Variants in TARS1 observed in about 807,000 individuals in gnomAD.
The protein encoded by TARS1 is threonyl-tRNA synthetase 1, also known as threonine--tRNA ligase 1, cytoplasmic.
Under a neutral mutation model 97.7 loss-of-function variants are expected in TARS1, and 57 were observed. That is an observed-to-expected ratio of 0.58 (90% CI 0.47 to 0.73). The LOEUF (loss-of-function observed/expected upper bound fraction) is 0.73. TARS1 is among the 30% of genes least tolerant of loss of function. The pLI is 0.00. For synonymous variants in TARS1, 312 were observed against 293.7 expected, an observed-to-expected ratio of 1.06 and a Z score of -0.64; for missense variants, 806 against 888.3, an observed-to-expected ratio of 0.91 and a Z score of 1.18.
At chr5:33,447,162 A>G (rs76116449) in intron 2 of TARS1, among the ~76,000 whole-genome samples, 5,367 of 152,220 alleles carry the variant, frequency 0.035, 351 homozygotes, top group African/African-American at 0.12. Flanking sequence ...AAAGAATGGA[A>G]AGAAGGAGGG....
chr5:33,460,561 T>A (rs1036352267), intron 11 of TARS1, among the ~76,000 whole-genome samples: 1 of 152,208 alleles, frequency 6.6e-6, no homozygotes, highest in African/African-American at 2.4e-5. Context: ...CAGCTCCTAC[T>A]AGCCAGGCCT....
At chr5:33,458,709 A>ATC in intron 10 of TARS1, 45 bp downstream of exon 10, 1 of 1,444,682 alleles carries the variant, frequency 6.9e-7, no homozygotes, top group South Asian at 1.2e-5. Context: ...AGGATATGTG[A>ATC]TCATTTTATT....
intron 10 of TARS1, 70 bp from the exon 11 acceptor site, chr5:33,459,625 T>TAA: frequency 6.4e-7 from 1 of 1,561,174 alleles, no homozygotes; most frequent in Non-Finnish European, 8.8e-7. Context: ...AATCACTCTT[T>TAA]AAGTTTTTAC....
intron 3 of TARS1, 89 bp from the exon 4 acceptor site, chr5:33,453,200 A>G (rs1741831783): frequency 7.5e-7 from 1 of 1,326,728 alleles, no homozygotes; most frequent in Non-Finnish European, 9.8e-7. Context: ...ACAATATATA[A>G]TAAAAATAGT....
At chr5:33,445,801 A>G (rs1279842497) in intron 2 of TARS1, among the ~76,000 whole-genome samples, 1 of 152,216 alleles carries the variant, frequency 6.6e-6, no homozygotes, top group East Asian at 1.9e-4. Context: ...AAAACCAAAG[A>G]AAGCCAGTTT....
At chr5:33,442,985 G>A (rs1273239242) in intron 1 of TARS1, among the ~76,000 whole-genome samples, 1 of 152,070 alleles carries the variant, frequency 6.6e-6, no homozygotes, top group Non-Finnish European at 1.5e-5. Context: ...AGTGAGTCAG[G>A]GACAGATCAT....
chr5:33,455,047 G>C lies in TARS1; in HGVS notation c.556G>C (p.Asp186His), dbSNP rs1741942634. 1 of 1,613,564 alleles carries C rather than the reference G, an allele frequency of 6.2e-7. No homozygotes were observed. Among genetic ancestry groups the C allele is most frequent in the African/African-American group, 1.3e-5 (1 of 74,822 alleles). The change falls in exon 5 of 19, where the codon GAC becomes CAC. Residue 186 changes from aspartate (D) to histidine (H), a missense_variant. By Grantham distance (81) the Asp-to-His change is moderately conservative. Transcript: ENST00000265112. ...GPPIENGFYY[D>H]MYLEEGGVSS... is the part of the protein sequence containing the mutation. ...GCCAATAGAAAATGGATTCTATTATGACATGTACCTCGAAGAAGGGTAAGC... is the reference window on the plus strand; with the variant it reads ...GCCAATAGAAAATGGATTCTATTATCACATGTACCTCGAAGAAGGGTAAGC...
At chr5:33,461,403 A>G (rs1254524459) in intron 13 of TARS1, 108 bp downstream of exon 13, 1 of 1,442,006 alleles carries the variant, frequency 6.9e-7, no homozygotes, top group African/African-American at 1.4e-5. Context: ...ATGAAATTGG[A>G]AATGGTTCCT....
intron 4 of TARS1, among the ~76,000 whole-genome samples, chr5:33,454,096 A>T (rs922473873): frequency 1.3e-5 from 2 of 152,176 alleles, no homozygotes; most frequent in African/African-American, 2.4e-5. Context: ...CACTGCCTTT[A>T]TTGGATAATT....
chr5:33,456,256 A>C lies in TARS1; in HGVS notation c.837+29A>C, dbSNP rs142854011. ...AGTAATGTAACTTTAAAGACTGTGAATGTATCTGTCTAGAATAGATATATG... is the reference window on the plus strand; with the variant it reads ...AGTAATGTAACTTTAAAGACTGTGACTGTATCTGTCTAGAATAGATATATG... On this transcript the variant is annotated intron_variant, in intron 8 of 18. Coordinates refer to ENST00000265112, the MANE Select transcript of TARS1 (RefSeq NM_152295.5). 1.4e-4 allele frequency: 217 copies of C among 1,514,470 alleles called. No homozygotes were observed. In the African/African-American group the frequency reaches 2.5e-3, roughly 17 times the overall value. 93.8% of individuals were successfully genotyped at this position (1,514,470 alleles called of 1,614,324 possible). A position where few individuals can be genotyped will look rare whatever the true frequency, so the allele number is the denominator to read the frequency against.
chr5:33,466,151 G>A (rs1742519367), intron 17 of TARS1: 2 of 152,186 alleles, frequency 1.3e-5, no homozygotes, highest in South Asian at 4.1e-4. Flanking sequence ...GCAGAGATGA[G>A]GAAGGAACAC....
At chr5:33,441,337 C>T (rs1741085236) in intron 1 of TARS1, 194 bp downstream of exon 1, 2 of 612,674 alleles carry the variant, frequency 3.3e-6, no homozygotes, top group African/African-American at 3.7e-5. Context: ...TAGGGTGGGG[C>T]CTTGCAGTTC....
At chr5:33,450,367 G>C (rs1741671561) in intron 3 of TARS1, among the ~76,000 whole-genome samples, 1 of 152,144 alleles carries the variant, frequency 6.6e-6, no homozygotes, top group African/African-American at 2.4e-5. Context: ...GCTGATTCTT[G>C]GTAAGCGTAT....
chr5:33,451,584 A>C (rs1230989111), intron 3 of TARS1, among the ~76,000 whole-genome samples: 1 of 152,108 alleles, frequency 6.6e-6, no homozygotes, highest in Non-Finnish European at 1.5e-5. Context: ...TGTGTTAGCC[A>C]GGATGGTCTT....
rs138328650 is a variant in TARS1 at position 33,465,645 on chromosome 5, G to T, written c.1909-1226G>T. Among the ~76,000 whole-genome samples the T allele has an allele frequency of 4.7e-3, 722 of 152,302 alleles. 9 individuals are homozygous for T. Among genetic ancestry groups the T allele is most frequent in the African/African-American group, 0.017 (693 of 41,554 alleles). ...AAAATGTCAACAGGTTAATTGGTTC[G>T]TGATCACTGTGGCTTAAAAATCTAG... On this transcript the variant is annotated intron_variant, in intron 17 of 18. Transcript: ENST00000265112.
At chr5:33,444,446 A>G (rs1741308986) in intron 1 of TARS1, among the ~76,000 whole-genome samples, 1 of 152,260 alleles carries the variant, frequency 6.6e-6, no homozygotes, top group African/African-American at 2.4e-5. Context: ...TAAAGGTCAC[A>G]AACATGCAAA....
At chr5:33,443,320 C>CCTCTCTCTCTCTCTCTCTCTCTCTCTCT (rs769681224) in intron 1 of TARS1, among the ~76,000 whole-genome samples, 4 of 118,512 alleles carry the variant, frequency 3.4e-5, no homozygotes, top group South Asian at 5.4e-4. Flanking sequence ...TCTCTCTCTC[C>CCTCTCTCTCTCTCTCTCTCTCTCTCTCT]CTCTCTCTCT....
In TARS1 at chr5:33,467,660, A is replaced by G; in HGVS notation, c.2124A>G (p.Leu708=). 2 of 1,613,966 alleles carry G rather than the reference A, an allele frequency of 1.2e-6. No individual in the cohort carries two copies. The stretch of plus-strand genomic sequence containing the variant: ...CCATTTCTGAAACTATCGAGCGGCT[A>G]CAGCAGCTCAAAGAGTTCCGCAGCA... ...ERTISETIER[L]QQLKEFRSKQ... Residue 708 remains leucine, a synonymous_variant, in exon 19 of 19, where the codon CTA becomes CTG. Transcript: ENST00000265112.
intron 12 of TARS1, 37 bp downstream of exon 12, chr5:33,461,101 A>C: frequency 6.2e-7 from 1 of 1,605,030 alleles, no homozygotes; most frequent in Non-Finnish European, 8.5e-7. Flanking sequence ...TAGAAAGAAG[A>C]GTCAAGAAAG....
Sources: allele counts gnomAD v4.1 joint callset (sites outside exome capture counted in the v4.1 genomes callset), GRCh38; gene constraint gnomAD v4.1.1; transcripts MANE v1.5; gene names NCBI Gene and HGNC (gene_info 2026-07-23, HGNC 2026-07-21).